PTPRG: variants seen among roughly 807,000 people sequenced by gnomAD.
PTPRG encodes protein tyrosine phosphatase receptor type G.
Under a neutral mutation model 165.3 loss-of-function variants are expected in PTPRG, and 102 were observed. The observed-to-expected ratio is 0.62, with a 90% CI of 0.53 to 0.73. The LOEUF (loss-of-function observed/expected upper bound fraction) is 0.73. PTPRG is among the 30% of genes least tolerant of loss of function. The pLI is 0.00. For missense variants in PTPRG, 1,866 were observed against 1,861.4 expected (o/e 1.00, Z -0.05); for synonymous variants, 675 against 669.5 (o/e 1.01, Z -0.13).
intron 5 of PTPRG, among the ~76,000 whole-genome samples, chr3:62,106,949 G>A (rs1162314180): frequency 6.6e-6 from 1 of 152,194 alleles, no homozygotes; most frequent in Admixed American, 6.5e-5. Flanking sequence ...CCTTATTGAA[G>A]AGGAAAATGA....
chr3:61,651,694 A>G (rs1575564311), intron 1 of PTPRG, among the ~76,000 whole-genome samples: 1 of 152,170 alleles, frequency 6.6e-6, no homozygotes, highest in South Asian at 2.1e-4. Flanking sequence ...AGCTTTATAT[A>G]TATTGATCCA....
intron 5 of PTPRG, among the ~76,000 whole-genome samples, chr3:62,123,433 C>T (rs1185543615): frequency 2.0e-5 from 3 of 152,222 alleles, no homozygotes; most frequent in East Asian, 1.9e-4. Context: ...TTTTTGACTT[C>T]AGACATGTTT....
At chr3:62,102,279 T>TAG (rs1445964397) in intron 5 of PTPRG, among the ~76,000 whole-genome samples, 6 of 152,246 alleles carry the variant, frequency 3.9e-5, no homozygotes, top group African/African-American at 1.4e-4. Context: ...CTTCCCTTTC[T>TAG]TTTCTTTCTT....
At chr3:61,615,691 T>C (rs1239691787) in intron 1 of PTPRG, among the ~76,000 whole-genome samples, 1 of 152,220 alleles carries the variant, frequency 6.6e-6, no homozygotes, top group East Asian at 1.9e-4. Flanking sequence ...GGATTTTTAT[T>C]TTATTTGGGT....
intron 2 of PTPRG, among the ~76,000 whole-genome samples, chr3:61,778,589 C>T (rs1370312974): frequency 6.6e-6 from 1 of 152,170 alleles, no homozygotes; most frequent in Admixed American, 6.6e-5. Flanking sequence ...AGGTTCCCTG[C>T]CCCCAGACCC....
chr3:62,001,798 A>G (rs1316104503), intron 3 of PTPRG, among the ~76,000 whole-genome samples: 2 of 152,208 alleles, frequency 1.3e-5, no homozygotes, highest in Non-Finnish European at 2.9e-5. Context: ...TTATTGGATC[A>G]TAGCCTCACC....
intron 6 of PTPRG, among the ~76,000 whole-genome samples, chr3:62,149,649 A>G (rs1704254087): frequency 6.6e-6 from 1 of 151,504 alleles, no homozygotes; most frequent in African/African-American, 2.4e-5. Context: ...TTTCCTCCCA[A>G]CTTGCCGTTT....
Position 61,749,234 on chromosome 3 carries a change from G to A in PTPRG, c.190+252G>A, listed in dbSNP as rs980930368. On this transcript the variant is annotated intron_variant, in intron 2 of 29. Coordinates refer to ENST00000474889, the MANE Select transcript of PTPRG (RefSeq NM_002841.4). The stretch of plus-strand genomic sequence containing the variant: ...TATTTCTGAACTTTACTGTTAATGA[G>A]TTATTGTACCAAACTTGTAATTTTC... The A allele has an allele frequency of 1.2e-5, 7 of 562,146 alleles. No individual in the cohort carries two copies. The African/African-American group carries it at 1.3e-4, about 11-fold the overall frequency. The allele number at this position is 562,146 out of a possible 1,614,324, so 34.8% of individuals were successfully genotyped here.
At chr3:61,879,572 G>A (rs2037830803) in intron 2 of PTPRG, among the ~76,000 whole-genome samples, 1 of 151,978 alleles carries the variant, frequency 6.6e-6, no homozygotes, top group Non-Finnish European at 1.5e-5. Context: ...TTAATGACAG[G>A]GATATGTTCT....
chr3:61,752,933 A>G (rs1157520818), intron 2 of PTPRG, among the ~76,000 whole-genome samples: 1 of 152,130 alleles, frequency 6.6e-6, no homozygotes, highest in East Asian at 1.9e-4. Flanking sequence ...ACTTCACTGC[A>G]TCACCTTGGA....
At chr3:61,901,533 AAAGGTGAATTT>A (rs2038498587) in intron 2 of PTPRG, among the ~76,000 whole-genome samples, 1 of 152,254 alleles carries the variant, frequency 6.6e-6, no homozygotes, top group Non-Finnish European at 1.5e-5. Flanking sequence ...CTATAAATCC[AAAGGTGAATTT>A]GCACGCTATG....
At chr3:61,670,349 C>T (rs1702936383) in intron 1 of PTPRG, among the ~76,000 whole-genome samples, 1 of 152,208 alleles carries the variant, frequency 6.6e-6, no homozygotes, top group African/African-American at 2.4e-5. Flanking sequence ...CTGCCAGTAA[C>T]TAGTTCCCAG....
rs1369334711 is a variant in PTPRG at position 62,255,764 on chromosome 3, G to A, written c.2559+549G>A. ...TGATTAACATCTTTAAAAGTGCCAAGTTCATTGTTAAGAACCATGCAAAGG... is the reference window on the plus strand; with the variant it reads ...TGATTAACATCTTTAAAAGTGCCAAATTCATTGTTAAGAACCATGCAAAGG... On this transcript the variant is annotated intron_variant, in intron 16 of 29. Transcript: ENST00000474889. The surrounding 1 kb of genome is among the most constrained non-coding windows in gnomAD (Gnocchi z 4.0). 2.0e-5 allele frequency among the ~76,000 whole-genome samples: 3 copies of A among 152,132 alleles called. No individual in the cohort carries two copies. Among genetic ancestry groups the A allele is most frequent in the Non-Finnish European group, 4.4e-5 (3 of 68,028 alleles).
intron 2 of PTPRG, among the ~76,000 whole-genome samples, chr3:61,900,584 G>A (rs928907767): frequency 1.3e-5 from 2 of 152,152 alleles, no homozygotes; most frequent in African/African-American, 4.8e-5. Flanking sequence ...CTGCAGTGCA[G>A]CTCCCAAACC....
chr3:62,144,156 C>G lies in PTPRG; in HGVS notation c.682+11488C>G, dbSNP rs1704033263. ...GCCGTGACAGACGCACTGGCCTGCACCACCTTATGTGTTTAATCTCTGGCC... is the reference window on the plus strand; with the variant it reads ...GCCGTGACAGACGCACTGGCCTGCAGCACCTTATGTGTTTAATCTCTGGCC... On this transcript the variant is annotated intron_variant, in intron 6 of 29. Transcript: ENST00000474889. Among the ~76,000 whole-genome samples, 3 of 152,192 alleles carry G rather than the reference C, an allele frequency of 2.0e-5. No homozygotes were observed. The South Asian group carries it at 6.2e-4, about 31-fold the overall frequency.
intron 2 of PTPRG, among the ~76,000 whole-genome samples, chr3:61,938,029 T>C (rs909211488): frequency 1.3e-5 from 2 of 152,066 alleles, no homozygotes; most frequent in African/African-American, 4.8e-5. Flanking sequence ...TACCGACTTT[T>C]CCTTCAGTCT....
intron 2 of PTPRG, among the ~76,000 whole-genome samples, chr3:61,830,566 G>GTTTTTTTTTTTTTTTT (rs57644199): frequency 1.4e-3 from 122 of 86,460 alleles, no homozygotes; most frequent in Non-Finnish European, 2.2e-3. Flanking sequence ...TTTTGTTTTT[G>GTTTTTTTTTTTTTTTT]TTTTTTTTTT....
intron 17 of PTPRG, among the ~76,000 whole-genome samples, chr3:62,265,212 C>A (rs1257667620): frequency 6.6e-6 from 1 of 152,110 alleles, no homozygotes; most frequent in East Asian, 1.9e-4. Context: ...ATACAGTTTG[C>A]AAATATTTTC....
intron 2 of PTPRG, among the ~76,000 whole-genome samples, chr3:61,756,898 T>A (rs1014951337): frequency 2.6e-5 from 4 of 152,156 alleles, no homozygotes; most frequent in Admixed American, 2.0e-4. Flanking sequence ...GGGTGATGGA[T>A]CCTTTTTGGA....
Sources: allele counts gnomAD v4.1 joint callset (sites outside exome capture counted in the v4.1 genomes callset), GRCh38; gene constraint gnomAD v4.1.1; non-coding constraint Gnocchi (gnomAD v3.1); transcripts MANE v1.5; gene names NCBI Gene and HGNC (gene_info 2026-07-23, HGNC 2026-07-21).